Variants in MCF2L2 observed in about 807,000 individuals in gnomAD.
The protein encoded by MCF2L2 is probable guanine nucleotide exchange factor MCF2L2.
A neutral mutation model predicts 150.2 loss-of-function variants in MCF2L2; 102 were observed. That is an observed-to-expected ratio of 0.68 (90% CI 0.58 to 0.80). The LOEUF is 0.80. Among genes scored for constraint, MCF2L2 ranks in the 30% least tolerant of loss-of-function variants. The pLI is 0.00. For missense variants in MCF2L2, 1,256 were observed against 1,372.8 expected (o/e 0.91, Z 1.34); for synonymous variants, 465 against 491.3 (o/e 0.95, Z 0.71).
At chr3:183,302,372 G>A (rs530140484) in intron 10 of MCF2L2, among the ~76,000 whole-genome samples, 16 of 152,312 alleles carry the variant, frequency 1.1e-4, no homozygotes, top group South Asian at 1.0e-3. Flanking sequence ...CCTGAAGTCA[G>A]GGACAAGCCG....
rs750564416 is a variant in MCF2L2 at position 183,224,204 on chromosome 3, A to AG, written c.2116-15_2116-14insC. 14 of 1,524,600 alleles carry AG rather than the reference A, an allele frequency of 9.2e-6. No individual in the cohort carries two copies. The South Asian group carries it at 1.1e-4, about 12-fold the overall frequency. The allele number at this position is 1,524,600 out of a possible 1,614,324, so 94.4% of individuals were successfully genotyped here. A position where few individuals can be genotyped will look rare whatever the true frequency, so the allele number is the denominator to read the frequency against. ...AAGATCTTCTTTCTAGGTGGGAAAA[A>AG]ATTAGAATAAATTAATCAGGCAGCA... On this transcript the variant is annotated splice_polypyrimidine_tract_variant and intron_variant, in intron 18 of 29. Transcript: ENST00000328913.
At chr3:183,414,919 T>C (rs1339217146) in intron 1 of MCF2L2, among the ~76,000 whole-genome samples, 1 of 152,270 alleles carries the variant, frequency 6.6e-6, no homozygotes, top group South Asian at 2.1e-4. Flanking sequence ...ATACTTTGTA[T>C]AATTTCAATC....
chr3:183,362,873 G>C (rs941711320), intron 3 of MCF2L2, among the ~76,000 whole-genome samples: 3 of 151,972 alleles, frequency 2.0e-5, no homozygotes, highest in African/African-American at 4.8e-5. Flanking sequence ...ATAAGAAGAC[G>C]ACACATTTCT....
chr3:183,335,646 T>C (rs920263143), intron 5 of MCF2L2, among the ~76,000 whole-genome samples: 1 of 151,846 alleles, frequency 6.6e-6, no homozygotes, highest in Non-Finnish European at 1.5e-5. Context: ...GGCAGGAGGA[T>C]AGGTTGAGCC....
chr3:183,415,282 G>A (rs1715530014), intron 1 of MCF2L2, among the ~76,000 whole-genome samples: 1 of 152,044 alleles, frequency 6.6e-6, no homozygotes, highest in African/African-American at 2.4e-5. Flanking sequence ...TGCCTCCCAG[G>A]TTCAACCGAT....
chr3:183,335,585 T>C (rs1730444242), intron 5 of MCF2L2, among the ~76,000 whole-genome samples: 3 of 151,890 alleles, frequency 2.0e-5, no homozygotes, highest in Non-Finnish European at 1.5e-5. Context: ...GGCTTGAGGG[T>C]AGCTGAGCAT....
chr3:183,198,727 G>T (rs1722156478), intron 25 of MCF2L2, among the ~76,000 whole-genome samples: 1 of 152,160 alleles, frequency 6.6e-6, no homozygotes, highest in Admixed American at 6.5e-5. Context: ...ATCTGCATTT[G>T]TAGCAAGCCC....
At chr3:183,276,630 T>C (rs1046568320) in intron 15 of MCF2L2, 2 of 423,270 alleles carry the variant, frequency 4.7e-6, no homozygotes, top group East Asian at 7.3e-5. Flanking sequence ...GATAGCCCAA[T>C]TTTTTAAAAC....
intron 1 of MCF2L2, among the ~76,000 whole-genome samples, chr3:183,399,109 C>A (rs575065899): frequency 6.6e-6 from 1 of 152,262 alleles, no homozygotes; most frequent in East Asian, 1.9e-4. Flanking sequence ...GGTGAGCACA[C>A]ATGTTTAAAT....
At chr3:183,244,032 G>C (rs577395086) in intron 15 of MCF2L2, among the ~76,000 whole-genome samples, 1 of 152,064 alleles carries the variant, frequency 6.6e-6, no homozygotes, top group Non-Finnish European at 1.5e-5. Flanking sequence ...GCTGAGGCAG[G>C]AGAATGGCAT....
intron 3 of MCF2L2, among the ~76,000 whole-genome samples, chr3:183,364,557 T>A: frequency 6.6e-6 from 1 of 151,530 alleles, no homozygotes; most frequent in South Asian, 2.1e-4. Flanking sequence ...CAGAAATGAA[T>A]AAGGTAGAGA....
chr3:183,224,974 C>T (rs968703052), intron 18 of MCF2L2: 3 of 152,354 alleles, frequency 2.0e-5, no homozygotes, highest in Non-Finnish European at 4.4e-5. Flanking sequence ...CTCGCTCTAT[C>T]AGGGAGCCTG....
At chr3:183,366,392 G>C (rs553253147) in intron 3 of MCF2L2, among the ~76,000 whole-genome samples, 1 of 152,326 alleles carries the variant, frequency 6.6e-6, no homozygotes, top group East Asian at 1.9e-4. Flanking sequence ...TGTAATCCCA[G>C]CACCGTGGGA....
chr3:183,231,465 C>G (rs1022032346), intron 15 of MCF2L2, among the ~76,000 whole-genome samples: 6 of 131,898 alleles, frequency 4.5e-5, no homozygotes, highest in Admixed American at 1.9e-4. Context: ...GCTTTCTTTT[C>G]CTTTTAAGAG....
chr3:183,415,878 A>G (rs904739050), intron 1 of MCF2L2, among the ~76,000 whole-genome samples: 4 of 151,956 alleles, frequency 2.6e-5, no homozygotes, highest in South Asian at 4.2e-4. Flanking sequence ...TTCACACTTA[A>G]TATTACTGAT....
At chr3:183,313,605 A>T (rs1729476415) in intron 7 of MCF2L2, among the ~76,000 whole-genome samples, 1 of 152,240 alleles carries the variant, frequency 6.6e-6, no homozygotes, top group African/African-American at 2.4e-5. Flanking sequence ...GGAAAGGGTA[A>T]GGGGAAGTTG....
At chr3:183,294,706 G>T (rs918731573) in intron 13 of MCF2L2, among the ~76,000 whole-genome samples, 4 of 149,310 alleles carry the variant, frequency 2.7e-5, no homozygotes, top group African/African-American at 9.9e-5. Context: ...TCCGCTAACT[G>T]CAAGCTCTGC....
chr3:183,253,355 C>A (rs947855809), intron 15 of MCF2L2: 1 of 152,334 alleles, frequency 6.6e-6, no homozygotes, highest in East Asian at 1.9e-4. Flanking sequence ...TTGAGACCAG[C>A]GACTTTAGCT....
chr3:183,267,325 G>A lies in MCF2L2; in HGVS notation c.1862+9547C>T, dbSNP rs1045195927. Among the ~76,000 whole-genome samples the A allele has an allele frequency of 1.3e-5, 2 of 152,260 alleles. No individual in the cohort carries two copies. The highest frequency in any genetic ancestry group is 4.8e-5 in the African/African-American group (2 of 41,474). On this transcript the variant is annotated intron_variant, in intron 15 of 29. Coordinates refer to ENST00000328913, the MANE Select transcript of MCF2L2 (RefSeq NM_015078.4). This position sits in a 1 kb window ranked among gnomAD's most constrained non-coding sequence, Gnocchi z 5.5. ...GATTATCTCTGGACAAAGTCTGAATGGGGCTTGGCTCTAATCTCTAGTCCT... is the reference window on the plus strand; with the variant it reads ...GATTATCTCTGGACAAAGTCTGAATAGGGCTTGGCTCTAATCTCTAGTCCT...
Sources: allele counts gnomAD v4.1 joint callset (sites outside exome capture counted in the v4.1 genomes callset), GRCh38; gene constraint gnomAD v4.1.1; non-coding constraint Gnocchi (gnomAD v3.1); transcripts MANE v1.5; gene names NCBI Gene and HGNC (gene_info 2026-07-23, HGNC 2026-07-21).